The following CORO2A variants were observed in gnomAD, a reference collection of about 807,000 sequenced individuals.
CORO2A encodes the protein coronin-2A.
A neutral mutation model predicts 62.4 loss-of-function variants in CORO2A; 47 were observed. The ratio of observed to expected loss-of-function variants is 0.75; its 90% confidence interval spans 0.60 to 0.96. The LOEUF (loss-of-function observed/expected upper bound fraction) is 0.96. CORO2A is among the 40% of genes least tolerant of loss of function. The probability of loss-of-function intolerance (pLI) is 0.00; values close to 1 mark genes in which losing one functional copy is unlikely to be tolerated. For missense variants in CORO2A, 610 were observed against 684.1 expected, an observed-to-expected ratio of 0.89 and a Z score of 1.21; for synonymous variants, 273 against 268.9, an observed-to-expected ratio of 1.02 and a Z score of -0.15.
At position 98,138,712 on chromosome 9, in the gene CORO2A, C is replaced by A. The variant is rs140011056; in HGVS notation, c.202-1024G>T. Among the ~76,000 whole-genome samples the A allele has an allele frequency of 3.3e-4, 50 of 152,236 alleles. No homozygotes were observed. The East Asian group carries it at 9.3e-3, about 28-fold the overall frequency. ...CATTGCCTGAGCACATTAATGCATC[C>A]CCCTGGTACCTGGTATCTGGAACCC... On this transcript the variant is annotated intron_variant, in intron 2 of 11. Transcript: ENST00000375077.
rs1196423918 is a variant in CORO2A at position 98,126,762 on chromosome 9, T to A, written c.1233A>T (p.Ala411=). 6.2e-7 allele frequency: 1 copy of A among 1,614,110 alleles called. No homozygotes were observed. The highest frequency in any genetic ancestry group is 1.3e-5 in the African/African-American group (1 of 74,942). The change falls in exon 11 of 12, where the codon GCA becomes GCT. Residue 411 remains alanine, a synonymous_variant. Transcript: ENST00000375077. The stretch of plus-strand genomic sequence containing the variant: ...CCATGGAATTGAAGATAGGTCTCTC[T>A]GCAGGCAGTGGGTGGGGTCTCAGCA... ...SELLRPHPLP[A]ERPIFNSMAP... is the part of the protein sequence containing the mutation.
chr9:98,167,220 C>T (rs1327490839), intron 1 of CORO2A, among the ~76,000 whole-genome samples: 4 of 152,038 alleles, frequency 2.6e-5, no homozygotes, highest in South Asian at 2.1e-4. Context: ...AAAAAGACAG[C>T]GCATGATTCC....
intron 4 of CORO2A, among the ~76,000 whole-genome samples, chr9:98,134,458 G>A (rs564221027): frequency 2.0e-5 from 3 of 152,296 alleles, no homozygotes; most frequent in African/African-American, 7.2e-5. Flanking sequence ...TGGGGTCTTC[G>A]CTGCTGAAAT....
At chr9:98,170,163 C>T (rs1353130474) in intron 1 of CORO2A, among the ~76,000 whole-genome samples, 2 of 152,246 alleles carry the variant, frequency 1.3e-5, no homozygotes, top group Admixed American at 1.3e-4. Context: ...GGAAGCGCCC[C>T]TCGTCTCCTT....
intron 1 of CORO2A, among the ~76,000 whole-genome samples, chr9:98,186,414 T>C (rs1287311888): frequency 6.6e-6 from 1 of 152,146 alleles, no homozygotes; most frequent in Non-Finnish European, 1.5e-5. Context: ...ATAGATTGAA[T>C]GTATGATCCT....
At chr9:98,157,355 T>C (rs1171712892) in intron 2 of CORO2A, 105 bp downstream of exon 2, 6 of 996,204 alleles carry the variant, frequency 6.0e-6, no homozygotes, top group Non-Finnish European at 7.5e-6. Flanking sequence ...GTCACACAGC[T>C]AGTAATGGGC....
intron 1 of CORO2A, among the ~76,000 whole-genome samples, chr9:98,181,130 G>A (rs970975859): frequency 1.3e-5 from 2 of 152,296 alleles, no homozygotes; most frequent in East Asian, 3.9e-4. Flanking sequence ...GCCCTGGGAA[G>A]GAGGCCCCAG....
At chr9:98,135,041 C>A (rs915459427) in intron 3 of CORO2A, 86 bp from the exon 4 acceptor site, 6 of 1,535,832 alleles carry the variant, frequency 3.9e-6, no homozygotes, top group Non-Finnish European at 5.3e-6. Flanking sequence ...TGGCAGTGAC[C>A]AGCAGAAGGA....
intron 2 of CORO2A, among the ~76,000 whole-genome samples, chr9:98,140,708 G>A (rs566997529): frequency 2.9e-4 from 44 of 152,208 alleles, no homozygotes; most frequent in Middle Eastern, 3.4e-3. Flanking sequence ...CCCTCCTAAA[G>A]TTAGGGATTA....
At position 98,124,630 on chromosome 9, in the gene CORO2A, A is replaced by G. The variant is rs1827290768; in HGVS notation, c.*144T>C. 2 of 818,330 alleles carry G rather than the reference A, an allele frequency of 2.4e-6. No homozygotes were observed. Among genetic ancestry groups the G allele is most frequent in the Non-Finnish European group, 3.5e-6 (2 of 577,038 alleles). The allele number at this position is 818,330 out of a possible 1,614,324, so 50.7% of individuals were successfully genotyped here. On this transcript the variant is annotated 3_prime_UTR_variant, in exon 12 of 12. Coordinates refer to ENST00000375077, the MANE Select transcript of CORO2A (RefSeq NM_052820.4). The stretch of plus-strand genomic sequence containing the variant: ...AAAAACGGCACCATGTCCCACTGGA[A>G]TCTCTTTCAGCGATGGAGAGTTTTG...
chr9:98,144,807 G>T (rs551444932), intron 2 of CORO2A, among the ~76,000 whole-genome samples: 76 of 152,218 alleles, frequency 5.0e-4, no homozygotes, highest in Middle Eastern at 3.4e-3. Flanking sequence ...GGAGGACAGG[G>T]CAAGAGAGGA....
At chr9:98,152,894 T>C (rs1375135325) in intron 2 of CORO2A, among the ~76,000 whole-genome samples, 1 of 152,182 alleles carries the variant, frequency 6.6e-6, no homozygotes, top group African/African-American at 2.4e-5. Flanking sequence ...TGGTCCTGAA[T>C]TGGATTCTAG....
In CORO2A at chr9:98,127,602, A is replaced by G. The variant is rs533207877; in HGVS notation, c.1171+568T>C. Among the ~76,000 whole-genome samples, 4 of 152,254 alleles carry G rather than the reference A, an allele frequency of 2.6e-5. No homozygotes were observed. The East Asian group carries it at 7.7e-4, about 29-fold the overall frequency. On this transcript the variant is annotated intron_variant, in intron 10 of 11. Transcript: ENST00000375077. ...CGAGGCAGGTGGATCACTTGAGGTC[A>G]AGAGTTTGAGACCAGCCTGGCCAAC... is the stretch of plus-strand genomic sequence containing the variant.
intron 2 of CORO2A, among the ~76,000 whole-genome samples, chr9:98,150,561 C>A (rs80054081): frequency 2.0e-4 from 31 of 152,272 alleles, no homozygotes; most frequent in African/African-American, 6.5e-4. Context: ...TCCCCTCTCC[C>A]AACCCACGTC....
chr9:98,190,992 C>T (rs1588019321), intron 1 of CORO2A, among the ~76,000 whole-genome samples: 4 of 152,340 alleles, frequency 2.6e-5, no homozygotes, highest in South Asian at 2.1e-4. Context: ...GGTAGCTCAC[C>T]CCCAGGTTCT....
At chr9:98,184,965 G>A (rs527260905) in intron 1 of CORO2A, among the ~76,000 whole-genome samples, 23 of 152,302 alleles carry the variant, frequency 1.5e-4, no homozygotes, top group Admixed American at 3.3e-4. Context: ...CCAATTTAGA[G>A]CCTTACAACA....
At chr9:98,130,857 C>A (rs368142515) in intron 7 of CORO2A, 98 bp downstream of exon 7, 3 of 950,578 alleles carry the variant, frequency 3.2e-6, no homozygotes, top group African/African-American at 3.3e-5. Flanking sequence ...GCCAGCGAGG[C>A]CTGCCCATCC....
At chr9:98,161,282 G>A (rs925547654) in intron 1 of CORO2A, among the ~76,000 whole-genome samples, 5 of 152,066 alleles carry the variant, frequency 3.3e-5, no homozygotes, top group Non-Finnish European at 5.9e-5. Context: ...AGCTGGGCAC[G>A]GTGGCTCACA....
Position 98,123,033 on chromosome 9 carries a change from T to C in CORO2A, c.*1741A>G, listed in dbSNP as rs1827263844. Reference sequence around the variant, plus strand: ...ACCCCACAGGTAGTTTTCTCTTAGGTCAAGGTTTCAGGTGGCAGATCCTGC... The same window carrying C: ...ACCCCACAGGTAGTTTTCTCTTAGGCCAAGGTTTCAGGTGGCAGATCCTGC... On this transcript the variant is annotated 3_prime_UTR_variant, in exon 12 of 12. Coordinates refer to ENST00000375077, the MANE Select transcript of CORO2A (RefSeq NM_052820.4). 1 of 152,244 alleles carries C rather than the reference T, an allele frequency of 6.6e-6. No individual in the cohort carries two copies. Among genetic ancestry groups the C allele is most frequent in the African/African-American group, 2.4e-5 (1 of 41,452 alleles). The allele number at this position is 152,244 out of a possible 1,614,324, so 9.4% of individuals were successfully genotyped here.
Sources: gnomAD v4.1 joint callset for allele counts (sites outside exome capture counted in the v4.1 genomes callset) on GRCh38, gnomAD v4.1.1 for gene constraint, MANE v1.5 for transcripts, NCBI Gene and HGNC (gene_info 2026-07-23, HGNC 2026-07-21) for gene names.